Variants in NECTIN2 observed in about 807,000 individuals in gnomAD.
NECTIN2 encodes nectin-2.
NECTIN2 carries 23 observed loss-of-function variants against 56.9 expected under a neutral mutation model. That is an observed-to-expected ratio of 0.40 (90% CI 0.29 to 0.57). NECTIN2 has a LOEUF of 0.57. Ranked by LOEUF, NECTIN2 falls within the 20% of genes least tolerant of loss-of-function variation. The pLI, the probability that NECTIN2 is intolerant of heterozygous loss-of-function variation, is 0.38. For synonymous variants in NECTIN2, 302 were observed against 313.8 expected (o/e 0.96, Z 0.40); for missense variants, 587 against 718.3 (o/e 0.82, Z 2.09).
intron 2 of NECTIN2, among the ~76,000 whole-genome samples, chr19:44,870,462 C>G (rs1439359871): frequency 6.6e-6 from 1 of 152,056 alleles, no homozygotes; most frequent in Non-Finnish European, 1.5e-5. Flanking sequence ...AGATGTGAGT[C>G]TGGGTGGGGG....
chr19:44,859,740 G>A (rs575084910), intron 1 of NECTIN2, among the ~76,000 whole-genome samples: 5 of 151,536 alleles, frequency 3.3e-5, no homozygotes, highest in African/African-American at 9.7e-5. Context: ...CAGGAGAATC[G>A]CTTGAACCCA....
intron 1 of NECTIN2, among the ~76,000 whole-genome samples, chr19:44,856,715 G>A (rs1476131054): frequency 6.6e-6 from 1 of 152,156 alleles, no homozygotes; most frequent in Non-Finnish European, 1.5e-5. Flanking sequence ...ATCTGGAGGA[G>A]CCGGAAGGGA....
At position 44,875,914 on chromosome 19, in the gene NECTIN2, C is replaced by T. The variant is rs780125442; in HGVS notation, c.1042+1436C>T. On this transcript the variant is annotated intron_variant, in intron 5 of 8. Coordinates refer to ENST00000252483, the MANE Select transcript of NECTIN2 (RefSeq NM_001042724.2). This position sits in a 1 kb window ranked among gnomAD's most constrained non-coding sequence, Gnocchi z 4.2. ...TGTCCCGCTCTGGGCTCGCCTGGCG[C>T]GTGAGGATGCACATAAGTCCCCGGA... 1.3e-5 allele frequency among the ~76,000 whole-genome samples: 2 copies of T among 152,142 alleles called. No individual in the cohort carries two copies. The highest frequency in any genetic ancestry group is 2.9e-5 in the Non-Finnish European group (2 of 68,038).
At chr19:44,856,555 T>A (rs1437909729) in intron 1 of NECTIN2, among the ~76,000 whole-genome samples, 1 of 152,150 alleles carries the variant, frequency 6.6e-6, no homozygotes, top group African/African-American at 2.4e-5. Context: ...GTCTCTGCAG[T>A]TCACACAGGC....
chr19:44,868,926 T>TA, intron 2 of NECTIN2, among the ~76,000 whole-genome samples: 1 of 124,624 alleles, frequency 8.0e-6, no homozygotes, highest in East Asian at 2.3e-4. Flanking sequence ...AAAAAAAAAA[T>TA]ATGTTGGAAG....
rs533429051 is a variant in NECTIN2, at chr19:44,883,493, T to C, written c.1196+1129T>C. Among the ~76,000 whole-genome samples the C allele has an allele frequency of 3.9e-5, 6 of 152,284 alleles. No homozygotes were observed. In the South Asian group the frequency reaches 1.0e-3, roughly 26 times the overall value. The stretch of plus-strand genomic sequence containing the variant: ...TTTCACCATGTTGGCCAGGCTACTC[T>C]TGAACTCCTGACCTCAAGTGATCCA... On this transcript the variant is annotated intron_variant, in intron 6 of 8. Coordinates refer to ENST00000252483, the MANE Select transcript of NECTIN2 (RefSeq NM_001042724.2).
intron 1 of NECTIN2, among the ~76,000 whole-genome samples, chr19:44,850,800 T>C (rs1483507222): frequency 6.6e-6 from 1 of 152,120 alleles, no homozygotes; most frequent in Non-Finnish European, 1.5e-5. Flanking sequence ...GGCACTGTGA[T>C]TAATACAATT....
At chr19:44,877,972 G>A (rs1969258659) in intron 5 of NECTIN2, among the ~76,000 whole-genome samples, 1 of 152,114 alleles carries the variant, frequency 6.6e-6, no homozygotes. Context: ...GGGACCACCG[G>A]TTGGCATCCC....
chr19:44,855,331 A>G (rs1968953823), intron 1 of NECTIN2, among the ~76,000 whole-genome samples: 1 of 151,784 alleles, frequency 6.6e-6, no homozygotes, highest in African/African-American at 2.4e-5. Context: ...AGGCTGAGGC[A>G]GGAGAATGGC....
chr19:44,852,436 T>TG (rs1461423555), intron 1 of NECTIN2, among the ~76,000 whole-genome samples: 1 of 16,664 alleles, frequency 6.0e-5, no homozygotes, highest in African/African-American at 1.6e-4. Context: ...GTTTTTTTTG[T>TG]TTTTTTTTTG....
At chr19:44,867,339 T>C (rs905340759) in intron 2 of NECTIN2, among the ~76,000 whole-genome samples, 1 of 152,020 alleles carries the variant, frequency 6.6e-6, no homozygotes, top group Non-Finnish European at 1.5e-5. Context: ...AAAAAAAAAT[T>C]GTTTTAATTA....
At chr19:44,846,661 C>T in intron 1 of NECTIN2, 48 bp downstream of exon 1, 2 of 1,506,254 alleles carry the variant, frequency 1.3e-6, no homozygotes, top group South Asian at 2.4e-5. Flanking sequence ...CCCCTCCAAC[C>T]TTACCTTCCG....
At chr19:44,886,254 G>A (rs1372599904) in intron 8 of NECTIN2, 35 bp downstream of exon 8, 2 of 1,564,074 alleles carry the variant, frequency 1.3e-6, no homozygotes, top group Non-Finnish European at 1.8e-6. Context: ...GTGGGTTGGG[G>A]GTCTGGGTTG....
intron 1 of NECTIN2, among the ~76,000 whole-genome samples, chr19:44,853,704 G>C (rs1235724959): frequency 6.6e-6 from 1 of 152,104 alleles, no homozygotes; most frequent in African/African-American, 2.4e-5. Context: ...GGCCAGGCTG[G>C]TCTCAAACTC....
At chr19:44,850,455 G>GACGAACTGTCGAACCCTGTCTCT (rs1568585813) in intron 1 of NECTIN2, among the ~76,000 whole-genome samples, 2 of 152,094 alleles carry the variant, frequency 1.3e-5, no homozygotes. Flanking sequence ...GACCAGCCTG[G>GACGAACTGTCGAACCCTGTCTCT]GCAACACGGC....
chr19:44,847,825 G>A (rs1182652026), intron 1 of NECTIN2, among the ~76,000 whole-genome samples: 1 of 152,168 alleles, frequency 6.6e-6, no homozygotes, highest in African/African-American at 2.4e-5. Flanking sequence ...GCAGGAGGTG[G>A]ACGAGTGGAG....
At position 44,888,333 on chromosome 19, in the gene NECTIN2, C is replaced by T. The variant is rs772571469; in HGVS notation, c.1571C>T (p.Ser524Phe). 4.3e-6 allele frequency: 7 copies of T among 1,613,728 alleles called. No homozygotes were observed. The Admixed American group carries it at 1.2e-4, about 27-fold the overall frequency. ...DALSYSSPSDSYQGKGFVMSR... is the reference protein window; with the variant it reads ...DALSYSSPSDFYQGKGFVMSR... Reference sequence around the variant, plus strand: ...CTGTCCTATAGCAGCCCCTCTGATTCCTACCAGGGCAAAGGCTTTGTCATG... The same window carrying T: ...CTGTCCTATAGCAGCCCCTCTGATTTCTACCAGGGCAAAGGCTTTGTCATG... Residue 524 changes from serine to phenylalanine, a missense_variant, in exon 9 of 9, where the codon TCC (serine) becomes TTC (phenylalanine). Transcript: ENST00000252483.
chr19:44,883,701 C>A (rs1969331893), intron 6 of NECTIN2, among the ~76,000 whole-genome samples: 2 of 152,154 alleles, frequency 1.3e-5, no homozygotes, highest in South Asian at 4.1e-4. Flanking sequence ...GTGGTGCACA[C>A]CTGTGGTCCA....
chr19:44,863,745 T>C (rs1969060489), intron 1 of NECTIN2, among the ~76,000 whole-genome samples: 1 of 151,336 alleles, frequency 6.6e-6, no homozygotes, highest in Admixed American at 6.6e-5. Context: ...CTCAGGAGGC[T>C]GAGGCACAAG....
Sources: gnomAD v4.1 joint callset for allele counts (sites outside exome capture counted in the v4.1 genomes callset) on GRCh38, gnomAD v4.1.1 for gene constraint, Gnocchi (gnomAD v3.1) non-coding constraint, MANE v1.5 for transcripts, NCBI Gene and HGNC (gene_info 2026-07-23, HGNC 2026-07-21) for gene names.